Variants in EFHD1 observed in about 807,000 individuals in gnomAD.
EFHD1 encodes the protein EF-hand domain family member D1.
A neutral mutation model predicts 17.2 loss-of-function variants in EFHD1; 10 were observed. The ratio of observed to expected loss-of-function variants is 0.58; its 90% CI spans 0.36 to 0.99. EFHD1 has a LOEUF of 0.99. EFHD1 is among the 50% of genes least tolerant of loss of function. EFHD1 has a pLI of 0.01. For missense variants in EFHD1, 310 were observed against 327.5 expected (o/e 0.95, Z 0.41); for synonymous variants, 153 against 142.0 (o/e 1.08, Z -0.55).
rs1267647744 is a variant in EFHD1 at position 232,623,623 on chromosome 2, C to T, written c.14+17450C>T. 4.8e-5 allele frequency among the ~76,000 whole-genome samples: 6 copies of T among 125,066 alleles called. No individual in the cohort carries two copies. In the Admixed American group the frequency reaches 6.7e-4, roughly 14 times the overall value. 82.0% of individuals were successfully genotyped at this position (125,066 alleles called of 152,430 possible). ...CGAGAGGCAGAGGTTGTAAGTGAGC[C>T]AAGATTATGCCATTGCACTCCAGCC... is the stretch of plus-strand genomic sequence containing the variant. On this transcript the variant is annotated intron_variant, in intron 1 of 3. Coordinates refer to the EFHD1 transcript ENST00000409613.
intron 1 of EFHD1, among the ~76,000 whole-genome samples, chr2:232,648,147 C>T (rs1013675138): frequency 4.6e-5 from 7 of 152,192 alleles, no homozygotes; most frequent in Non-Finnish European, 7.4e-5. Context: ...GAGGCTGAGG[C>T]GTGAGGATTG....
chr2:232,649,332 C>G (rs1359642516), intron 1 of EFHD1, among the ~76,000 whole-genome samples: 1 of 152,192 alleles, frequency 6.6e-6, no homozygotes. Flanking sequence ...ACGCCTCACT[C>G]TACCGCTCAG....
At chr2:232,680,612 C>T (rs1004713911) in intron 3 of EFHD1, among the ~76,000 whole-genome samples, 1 of 151,966 alleles carries the variant, frequency 6.6e-6, no homozygotes, top group Non-Finnish European at 1.5e-5. Flanking sequence ...AAGGCTCAAG[C>T]GATTCTCCTG....
At chr2:232,677,164 G>A (rs1695187744) in intron 3 of EFHD1, among the ~76,000 whole-genome samples, 1 of 149,266 alleles carries the variant, frequency 6.7e-6, no homozygotes, top group Non-Finnish European at 1.5e-5. Context: ...CTTAAGTCCA[G>A]GAGTTTGAGA....
chr2:232,661,124 A>C (rs984757090), intron 1 of EFHD1, among the ~76,000 whole-genome samples: 1 of 150,892 alleles, frequency 6.6e-6, no homozygotes, highest in African/African-American at 2.4e-5. Context: ...CTCCAGCCTG[A>C]GTGAAAGAAC....
At chr2:232,653,458 T>G (rs764493691) in intron 1 of EFHD1, among the ~76,000 whole-genome samples, 4 of 152,104 alleles carry the variant, frequency 2.6e-5, no homozygotes, top group Admixed American at 6.6e-5. Flanking sequence ...GTCCAGCTAA[T>G]TTTTGTATTT....
intron 2 of EFHD1, among the ~76,000 whole-genome samples, chr2:232,669,039 G>C (rs1287072081): frequency 6.6e-6 from 1 of 152,162 alleles, no homozygotes. Context: ...GGGGCCTTCT[G>C]TGAAGGAAAT....
intron 1 of EFHD1, among the ~76,000 whole-genome samples, chr2:232,647,242 C>A (rs1022695279): frequency 4.6e-5 from 7 of 152,212 alleles, no homozygotes; most frequent in Non-Finnish European, 1.0e-4. Context: ...GTGGAGAAAG[C>A]AGGAAAAGGT....
At chr2:232,638,702 G>T (rs1441351246) in intron 1 of EFHD1, among the ~76,000 whole-genome samples, 1 of 152,172 alleles carries the variant, frequency 6.6e-6, no homozygotes, top group East Asian at 1.9e-4. Context: ...TGAGTGAATT[G>T]ACTCTAAAAA....
intron 1 of EFHD1, among the ~76,000 whole-genome samples, chr2:232,617,948 A>C (rs1187526915): frequency 5.6e-5 from 1 of 17,870 alleles, no homozygotes; most frequent in Admixed American, 8.0e-4. Flanking sequence ...GACTCAGTCT[A>C]AAAAAAAAAA....
Position 232,615,780 on chromosome 2 carries a change from C to T in EFHD1, c.14+9607C>T, listed in dbSNP as rs185287219. 4.3e-3 allele frequency among the ~76,000 whole-genome samples: 638 copies of T among 148,658 alleles called. 5 individuals carry two copies. Among genetic ancestry groups the T allele is most frequent in the African/African-American group, 0.015 (606 of 40,370 alleles). ...TCAGCCCACCACAACCTCCACCTCT[C>T]GGGCTCAAGTGATTCTCCTGCCTCA... is the stretch of plus-strand genomic sequence containing the variant. On this transcript the variant is annotated intron_variant, in intron 1 of 3. Coordinates refer to the EFHD1 transcript ENST00000409613.
At chr2:232,672,263 C>A in intron 2 of EFHD1, 46 bp from the exon 3 acceptor site, 2 of 1,613,220 alleles carry the variant, frequency 1.2e-6, no homozygotes, top group Non-Finnish European at 1.7e-6. Flanking sequence ...GGTTATGAAT[C>A]TGTCAGTGAG....
intron 1 of EFHD1, among the ~76,000 whole-genome samples, chr2:232,649,336 C>T (rs763800637): frequency 4.6e-4 from 70 of 152,304 alleles, no homozygotes; most frequent in Middle Eastern, 3.4e-3. Context: ...CTCACTCTAC[C>T]GCTCAGTGGT....
intron 1 of EFHD1, among the ~76,000 whole-genome samples, chr2:232,659,385 A>G (rs1416281260): frequency 6.6e-6 from 1 of 152,068 alleles, no homozygotes; most frequent in Non-Finnish European, 1.5e-5. Context: ...AGTGGGTGCT[A>G]TTGGAGAGCT....
Position 232,609,878 on chromosome 2 carries a change from C to T in EFHD1, c.14+3705C>T, listed in dbSNP as rs985833500. ...AGGGGAGTGGTGGCTGAAGCTCCTC[C>T]GGGTCTCCTTTCTCAGAGGAGAGAG... On this transcript the variant is annotated intron_variant, in intron 1 of 3. Coordinates refer to the EFHD1 transcript ENST00000409613. Among the ~76,000 whole-genome samples the T allele has an allele frequency of 3.3e-5, 5 of 152,218 alleles. No individual in the cohort carries two copies. In the East Asian group the frequency reaches 7.7e-4, roughly 23 times the overall value.
At chr2:232,672,541 G>GCAGAAA in intron 3 of EFHD1, 98 bp downstream of exon 3, 1 of 1,491,994 alleles carries the variant, frequency 6.7e-7, no homozygotes, top group Admixed American at 2.3e-5. Context: ...GAGCACACCT[G>GCAGAAA]CAGAAACAGA....
At chr2:232,613,523 T>A (rs1693845082) in intron 1 of EFHD1, among the ~76,000 whole-genome samples, 1 of 151,792 alleles carries the variant, frequency 6.6e-6, no homozygotes, top group Non-Finnish European at 1.5e-5. Flanking sequence ...ACAACCCCAA[T>A]GCTCACCATG....
intron 3 of EFHD1, among the ~76,000 whole-genome samples, chr2:232,677,727 A>G (rs1305911347): frequency 1.3e-5 from 2 of 152,270 alleles, no homozygotes; most frequent in East Asian, 3.9e-4. Flanking sequence ...TGTCTCAAAA[A>G]AAAGACATTT....
At chr2:232,619,371 C>T (rs546664970) in intron 1 of EFHD1, among the ~76,000 whole-genome samples, 3 of 146,776 alleles carry the variant, frequency 2.0e-5, no homozygotes, top group Admixed American at 6.9e-5. Flanking sequence ...AGTGTGATGG[C>T]GCGATCTCGG....
Sources: gnomAD v4.1 joint callset for allele counts (sites outside exome capture counted in the v4.1 genomes callset) on GRCh38, gnomAD v4.1.1 for gene constraint, MANE v1.5 for transcripts, NCBI Gene and HGNC (gene_info 2026-07-23, HGNC 2026-07-21) for gene names.